The following SEMA5A variants were observed in gnomAD, a reference collection of about 807,000 sequenced individuals.
SEMA5A encodes the protein semaphorin-5A.
Under a neutral mutation model 135.5 loss-of-function variants are expected in SEMA5A, and 55 were observed. The observed-to-expected ratio is 0.41, with a 90% confidence interval of 0.33 to 0.51. SEMA5A has a LOEUF of 0.51. SEMA5A is among the 20% of genes least tolerant of loss of function. The pLI, the probability that SEMA5A is intolerant of heterozygous loss-of-function variation, is 0.37. For synonymous variants in SEMA5A, 580 were observed against 546.5 expected (o/e 1.06, Z -0.85); for missense variants, 1,290 against 1,419.9 (o/e 0.91, Z 1.47).
intron 5 of SEMA5A, among the ~76,000 whole-genome samples, chr5:9,305,230 T>G (rs969216198): frequency 6.6e-6 from 1 of 152,202 alleles, no homozygotes; most frequent in Non-Finnish European, 1.5e-5. Flanking sequence ...TGGGAAATTT[T>G]TATCAAATTT....
At chr5:9,397,243 A>T (rs1222095465) in intron 2 of SEMA5A, among the ~76,000 whole-genome samples, 1 of 152,236 alleles carries the variant, frequency 6.6e-6, no homozygotes, top group Non-Finnish European at 1.5e-5. Context: ...CACATAAATG[A>T]GTGCTCATGT....
intron 10 of SEMA5A, among the ~76,000 whole-genome samples, chr5:9,196,224 C>G (rs945522026): frequency 1.3e-5 from 2 of 152,238 alleles, no homozygotes; most frequent in African/African-American, 4.8e-5. Context: ...AATTCCTACC[C>G]TCCAGTGTGG....
chr5:9,087,350 T>C (rs989271367), intron 16 of SEMA5A, among the ~76,000 whole-genome samples: 2 of 152,210 alleles, frequency 1.3e-5, no homozygotes, highest in African/African-American at 4.8e-5. Context: ...ACAGTTCATT[T>C]ATCTTGAAGT....
intron 14 of SEMA5A, among the ~76,000 whole-genome samples, chr5:9,121,993 A>T (rs140221526): frequency 6.6e-6 from 1 of 152,316 alleles, no homozygotes; most frequent in East Asian, 1.9e-4. Context: ...AAATTAATGA[A>T]CAAGTGACAA....
intron 5 of SEMA5A, among the ~76,000 whole-genome samples, chr5:9,241,565 C>CA (rs3061561): frequency 0.033 from 3,660 of 111,818 alleles, 107 homozygotes; most frequent in East Asian, 0.1. Flanking sequence ...AAGAGAGCTA[C>CA]AAAAAAAAAA....
intron 16 of SEMA5A, among the ~76,000 whole-genome samples, chr5:9,092,479 A>G (rs1416486504): frequency 1.3e-5 from 2 of 152,212 alleles, no homozygotes; most frequent in African/African-American, 4.8e-5. Context: ...AGTATTACCT[A>G]ATATCAAAAC....
At chr5:9,385,637 A>G (rs1008637136) in intron 2 of SEMA5A, among the ~76,000 whole-genome samples, 3 of 152,118 alleles carry the variant, frequency 2.0e-5, no homozygotes, top group African/African-American at 4.8e-5. Flanking sequence ...ATGTCTCAGG[A>G]AGTCCTGTCC....
At chr5:9,083,015 A>G (rs928235096) in intron 16 of SEMA5A, among the ~76,000 whole-genome samples, 1 of 152,220 alleles carries the variant, frequency 6.6e-6, no homozygotes, top group African/African-American at 2.4e-5. Flanking sequence ...TCTTTTTATC[A>G]GCTCATATTC....
intron 5 of SEMA5A, among the ~76,000 whole-genome samples, chr5:9,287,758 A>T (rs1027325395): frequency 6.6e-6 from 1 of 152,218 alleles, no homozygotes; most frequent in Non-Finnish European, 1.5e-5. Context: ...GAGCCATACC[A>T]GAGATCACGT....
chr5:9,405,082 C>A (rs1022689622), intron 2 of SEMA5A, among the ~76,000 whole-genome samples: 2 of 152,258 alleles, frequency 1.3e-5, no homozygotes, highest in Admixed American at 1.3e-4. Flanking sequence ...CATCATGAAA[C>A]AACAAGCCCA....
chr5:9,494,280 C>T (rs1735187970), intron 1 of SEMA5A, among the ~76,000 whole-genome samples: 1 of 152,150 alleles, frequency 6.6e-6, no homozygotes, highest in Non-Finnish European at 1.5e-5. Flanking sequence ...AGCTCTCAAA[C>T]TCAAGACAAT....
intron 4 of SEMA5A, among the ~76,000 whole-genome samples, chr5:9,325,853 T>G (rs1423424692): frequency 6.6e-6 from 1 of 152,182 alleles, no homozygotes; most frequent in African/African-American, 2.4e-5. Flanking sequence ...ATTGAACGTA[T>G]GAGTTAGAGG....
intron 1 of SEMA5A, chr5:9,511,335 T>C (rs769156749): frequency 1.3e-5 from 2 of 152,214 alleles, no homozygotes; most frequent in African/African-American, 2.4e-5. Context: ...CTGTTCCCAG[T>C]TCACACTCCC....
intron 8 of SEMA5A, among the ~76,000 whole-genome samples, chr5:9,215,281 G>A (rs756680175): frequency 5.3e-5 from 8 of 152,312 alleles, no homozygotes; most frequent in East Asian, 3.9e-4. Context: ...AAAGTAAGGC[G>A]TTGTGACTTC....
Position 9,040,461 on chromosome 5 carries a change from G to C in SEMA5A, c.*2436C>G, listed in dbSNP as rs1370443849. On this transcript the variant is annotated 3_prime_UTR_variant, in exon 23 of 23. Transcript: ENST00000382496. Reference sequence around the variant, plus strand: ...AACATGTGAACGGTAGCTACACAGTGATGGACAAACACAACTTATTCCACA... The same window carrying C: ...AACATGTGAACGGTAGCTACACAGTCATGGACAAACACAACTTATTCCACA... 6.6e-6 allele frequency: 1 copy of C among 152,238 alleles called. No homozygotes were observed. The highest frequency in any genetic ancestry group is 1.5e-5 in the Non-Finnish European group (1 of 68,044). 9.4% of individuals were successfully genotyped at this position (152,238 alleles called of 1,614,324 possible). A position where few individuals can be genotyped will look rare whatever the true frequency, so the allele number is the denominator to read the frequency against.
In SEMA5A at chr5:9,489,253, C is replaced by CAT. The variant is rs5865837; in HGVS notation, c.-174-51403_-174-51402dup. ...TGCTCAACAAAGAACCAAATGTTAG[C>CAT]ATATATATATATATATACCTGCTCT... On this transcript the variant is annotated intron_variant, in intron 1 of 22. Coordinates refer to ENST00000382496, the MANE Select transcript of SEMA5A (RefSeq NM_003966.3). Among the ~76,000 whole-genome samples the CAT allele has an allele frequency of 1.9e-4, 29 of 151,672 alleles. No homozygotes were observed. In the East Asian group the frequency reaches 2.9e-3, roughly 15 times the overall value.
intron 16 of SEMA5A, among the ~76,000 whole-genome samples, chr5:9,069,036 A>G (rs900509232): frequency 6.6e-6 from 1 of 152,196 alleles, no homozygotes; most frequent in Non-Finnish European, 1.5e-5. Context: ...GTGGTCTACC[A>G]GGGAAGCTCA....
intron 1 of SEMA5A, chr5:9,517,945 C>T (rs1736618709): frequency 8.5e-5 from 13 of 152,248 alleles, no homozygotes; most frequent in Admixed American, 5.9e-4. Flanking sequence ...ACAGAAGCAA[C>T]GATTTGCCTC....
At chr5:9,243,963 A>G (rs1161740738) in intron 5 of SEMA5A, among the ~76,000 whole-genome samples, 1 of 152,206 alleles carries the variant, frequency 6.6e-6, no homozygotes, top group Non-Finnish European at 1.5e-5. Flanking sequence ...AGCTGTTGGC[A>G]TTCAGTAAAT....
Sources: allele counts gnomAD v4.1 joint callset (sites outside exome capture counted in the v4.1 genomes callset), GRCh38; gene constraint gnomAD v4.1.1; transcripts MANE v1.5; gene names NCBI Gene and HGNC (gene_info 2026-07-23, HGNC 2026-07-21).